CFAP46: variants seen among roughly 807,000 people sequenced by gnomAD.
CFAP46 encodes the protein cilia- and flagella-associated protein 46.
In CFAP46, 245 loss-of-function variants were observed where a neutral mutation model predicts 325.7. The ratio of observed to expected loss-of-function variants is 0.75; its 90% confidence interval spans 0.68 to 0.84. The LOEUF (loss-of-function observed/expected upper bound fraction) is 0.84, where lower values mean the gene tolerates loss of function less well. CFAP46 is among the 40% of genes least tolerant of loss of function. The pLI, the probability that CFAP46 is intolerant of heterozygous loss-of-function variation, is 0.00. For missense variants in CFAP46, 3,346 were observed against 3,543.0 expected (o/e 0.94, Z 1.41); for synonymous variants, 1,523 against 1,495.9 (o/e 1.02, Z -0.42).
chr10:132,850,203 G>A (rs1234654083), intron 41 of CFAP46, 41 bp downstream of exon 41: 1 of 1,540,574 alleles, frequency 6.5e-7, no homozygotes, highest in South Asian at 1.2e-5. Flanking sequence ...ACGGGTGACT[G>A]GTGTTGGAGC....
At position 132,852,223 on chromosome 10, in the gene CFAP46, T is replaced by G. The variant is rs75204115; in HGVS notation, c.5575-918A>C. Among the ~76,000 whole-genome samples, 18 of 119,820 alleles carry G rather than the reference T, an allele frequency of 1.5e-4. 1 individual carries two copies. Among genetic ancestry groups the G allele is most frequent in the African/African-American group, 4.5e-4 (14 of 31,294 alleles). The allele number at this position is 119,820 out of a possible 152,430, so 78.6% of individuals were successfully genotyped here. A position where few individuals can be genotyped will look rare whatever the true frequency, so the allele number is the denominator to read the frequency against. On this transcript the variant is annotated intron_variant, in intron 39 of 57. Coordinates refer to ENST00000368586, the MANE Select transcript of CFAP46 (RefSeq NM_001200049.3). ...AGACGTGGTATGTTCCTCCATTTAC[T>G]TAGGAATTCTCAGATCCCAATCCAC...
chr10:132,873,497 T>C (rs890359068), intron 31 of CFAP46, among the ~76,000 whole-genome samples: 2 of 151,338 alleles, frequency 1.3e-5, no homozygotes, highest in African/African-American at 4.9e-5. Context: ...CATCCAGGGA[T>C]ACGAGCCTGG....
chr10:132,904,046 T>C (rs1428627297), intron 22 of CFAP46, among the ~76,000 whole-genome samples: 1 of 152,268 alleles, frequency 6.6e-6, no homozygotes, highest in Non-Finnish European at 1.5e-5. Context: ...TTTTTGCTAT[T>C]AGTGTAAAAT....
At chr10:132,825,839 G>A (rs1848035749) in intron 50 of CFAP46, among the ~76,000 whole-genome samples, 1 of 152,212 alleles carries the variant, frequency 6.6e-6, no homozygotes, top group Non-Finnish European at 1.5e-5. Context: ...CAAACAGCTG[G>A]TTGGTGAAAA....
Position 132,808,979 on chromosome 10 carries a change from G to A in CFAP46, c.7665-75C>T. On this transcript the variant is annotated intron_variant, in intron 57 of 57. Transcript: ENST00000368586. The surrounding 1 kb of genome is among the most constrained non-coding windows in gnomAD (Gnocchi z 6.8). ...CCAGCCCGGTGAGGACCAGGGCACA[G>A]GGGCGGGAAGTGGCAGCTGCTCCAA... 2.1e-6 allele frequency: 3 copies of A among 1,410,448 alleles called. No individual in the cohort carries two copies. The highest frequency in any genetic ancestry group is 2.8e-6 in the Non-Finnish European group (3 of 1,054,090). The allele number at this position is 1,410,448 out of a possible 1,614,324, so 87.4% of individuals were successfully genotyped here. A position where few individuals can be genotyped will look rare whatever the true frequency, so the allele number is the denominator to read the frequency against.
Position 132,922,632 on chromosome 10 carries a change from C to A in CFAP46, c.1333G>T (p.Ala445Ser), listed in dbSNP as rs1285896796. The change falls in exon 12 of 58, where the codon GCC (alanine) becomes TCC (serine). Residue 445 changes from alanine to serine, a missense_variant. Ala to Ser is a moderately conservative substitution (Grantham distance 99). Coordinates refer to ENST00000368586, the MANE Select transcript of CFAP46 (RefSeq NM_001200049.3). ...GCGGCTTTCCGGAGGTGCTCCGTGG[C>A]GGGCTCCAGCCGGTCCTCGTCCTCC... is the stretch of plus-strand genomic sequence containing the variant. ...IEEDEDRLEP[A>S]TEHLRKAARL... 4 of 1,549,740 alleles carry A rather than the reference C, an allele frequency of 2.6e-6. No individual in the cohort carries two copies. Among genetic ancestry groups the A allele is most frequent in the Non-Finnish European group, 3.5e-6 (4 of 1,146,842 alleles).
At chr10:132,909,693 C>T (rs375194355) in intron 20 of CFAP46, among the ~76,000 whole-genome samples, 10 of 152,372 alleles carry the variant, frequency 6.6e-5, no homozygotes, top group Middle Eastern at 3.4e-3. Context: ...CCCCCACAGG[C>T]CCAGCAGCTC....
intron 44 of CFAP46, among the ~76,000 whole-genome samples, chr10:132,839,104 C>G (rs1848310886): frequency 6.6e-6 from 1 of 152,362 alleles, no homozygotes; most frequent in East Asian, 1.9e-4. Flanking sequence ...ATGTGGGACA[C>G]ACATGTGTCG....
intron 31 of CFAP46, among the ~76,000 whole-genome samples, chr10:132,875,766 TG>T (rs1423298697): frequency 1.3e-5 from 2 of 152,122 alleles, no homozygotes; most frequent in Non-Finnish European, 2.9e-5. Flanking sequence ...TTCCACTTTT[TG>T]GAAAAATACT....
At chr10:132,818,613 G>A (rs1010094044) in intron 50 of CFAP46, among the ~76,000 whole-genome samples, 6 of 152,260 alleles carry the variant, frequency 3.9e-5, no homozygotes, top group Admixed American at 2.6e-4. Context: ...AGCACTTTGG[G>A]AGGCCGAGGT....
rs368464385 is a variant in CFAP46 at position 132,899,224 on chromosome 10, G to A, written c.3057-103C>T. 38 of 1,266,212 alleles carry A rather than the reference G, an allele frequency of 3.0e-5. No individual in the cohort carries two copies. In the African/African-American group the frequency reaches 4.5e-4, roughly 15 times the overall value. The allele number at this position is 1,266,212 out of a possible 1,614,324, so 78.4% of individuals were successfully genotyped here. ...TCGGGCGCCCAGGGCCCAGCCACAC[G>A]CTCGCTCCCTCCTGGGCATGTGGCT... On this transcript the variant is annotated intron_variant, in intron 23 of 57. Coordinates refer to ENST00000368586, the MANE Select transcript of CFAP46 (RefSeq NM_001200049.3).
intron 7 of CFAP46, among the ~76,000 whole-genome samples, chr10:132,935,220 T>C (rs1324531333): frequency 6.6e-6 from 1 of 152,048 alleles, no homozygotes; most frequent in Non-Finnish European, 1.5e-5. Context: ...ATGCTGCCCA[T>C]AGGACACAAA....
At chr10:132,894,764 G>A (rs1172222345) in intron 24 of CFAP46, among the ~76,000 whole-genome samples, 2 of 152,016 alleles carry the variant, frequency 1.3e-5, no homozygotes, top group Admixed American at 6.5e-5. Flanking sequence ...ACTGACTCAG[G>A]AAGAAATAGA....
In CFAP46 at chr10:132,867,447, G is replaced by A. The variant is rs761492424; in HGVS notation, c.4671C>T (p.Ser1557=). ...GTGTCTGCTCATTCAGTGCTGGCAG[G>A]CTTTCTTCTAATAAAGGCTCCTTAT... ...EKNKEPLLEE[S]LPALNEQTLP... Residue 1557 remains serine (S), a synonymous_variant, in exon 34 of 58, where the codon AGC becomes AGT. Transcript: ENST00000368586. 14 of 1,550,544 alleles carry A rather than the reference G, an allele frequency of 9.0e-6. No homozygotes were observed. The South Asian group carries it at 1.3e-4, about 14-fold the overall frequency.
In CFAP46 at chr10:132,886,404, C is replaced by T. The variant is rs1011065663; in HGVS notation, c.3305-445G>A. ...GTGCCCGCAGCACGGGAACAATCCC[C>T]GAGTCTCCACGCAGGCAGCGGAGCC... On this transcript the variant is annotated intron_variant, in intron 25 of 57. Coordinates refer to ENST00000368586, the MANE Select transcript of CFAP46 (RefSeq NM_001200049.3). The surrounding 1 kb of genome is among the most constrained non-coding windows in gnomAD (Gnocchi z 5.8). Among the ~76,000 whole-genome samples, 2 of 152,174 alleles carry T rather than the reference C, an allele frequency of 1.3e-5. No homozygotes were observed. Among genetic ancestry groups the T allele is most frequent in the African/African-American group, 4.8e-5 (2 of 41,446 alleles).
At chr10:132,850,069 C>T (rs527717495) in intron 41 of CFAP46, among the ~76,000 whole-genome samples, 175 bp downstream of exon 41, 9 of 152,344 alleles carry the variant, frequency 5.9e-5, no homozygotes, top group Non-Finnish European at 1.0e-4. Flanking sequence ...AGGTCTGTTC[C>T]GGAAGGCCTG....
intron 24 of CFAP46, among the ~76,000 whole-genome samples, chr10:132,897,091 C>A (rs1031967173): frequency 6.6e-6 from 1 of 152,168 alleles, no homozygotes; most frequent in Non-Finnish European, 1.5e-5. Flanking sequence ...TTACCTAATA[C>A]CATATGCAAA....
intron 17 of CFAP46, 57 bp from the exon 18 acceptor site, chr10:132,913,315 C>T (rs1041077777): frequency 6.9e-7 from 1 of 1,449,660 alleles, no homozygotes; most frequent in Admixed American, 2.0e-5. Context: ...CGGGGCCAGG[C>T]ACCAGGAAGG....
At chr10:132,908,010 G>A (rs962122591) in intron 22 of CFAP46, among the ~76,000 whole-genome samples, 1 of 152,264 alleles carries the variant, frequency 6.6e-6, no homozygotes, top group Non-Finnish European at 1.5e-5. Context: ...TCTGAAGGCT[G>A]AGGCCCCCCC....
Sources: gnomAD v4.1 joint callset for allele counts (sites outside exome capture counted in the v4.1 genomes callset) on GRCh38, gnomAD v4.1.1 for gene constraint, Gnocchi (gnomAD v3.1) non-coding constraint, MANE v1.5 for transcripts, NCBI Gene and HGNC (gene_info 2026-07-23, HGNC 2026-07-21) for gene names.